Variants in DDX42 observed in about 807,000 individuals in gnomAD.
The protein encoded by DDX42 is DEAD-box helicase 42.
Under a neutral mutation model 101.5 loss-of-function variants are expected in DDX42, and 22 were observed. That is an observed-to-expected ratio of 0.22 (90% confidence interval 0.15 to 0.31). DDX42 has a LOEUF of 0.31. Among genes scored for constraint, DDX42 ranks in the 10% least tolerant of loss-of-function variants. The pLI is 1.00. For missense variants in DDX42, 849 were observed against 1,199.9 expected (o/e 0.71, Z 4.32); for synonymous variants, 402 against 401.2 (o/e 1.00, Z -0.02).
intron 3 of DDX42, among the ~76,000 whole-genome samples, chr17:63,796,774 T>C (rs1291630923): frequency 2.6e-5 from 4 of 152,252 alleles, no homozygotes; most frequent in Non-Finnish European, 4.4e-5. Context: ...GCTTATGTCA[T>C]CTTCAGTTTA....
intron 1 of DDX42, chr17:63,776,072 A>G (rs1346494937): frequency 6.6e-6 from 1 of 152,212 alleles, no homozygotes; most frequent in Non-Finnish European, 1.5e-5. Context: ...CTCTCAAAGT[A>G]TATGTAGAGT....
Position 63,778,644 on chromosome 17 carries a change from GTT to G in DDX42, c.-17+4281_-17+4282del, listed in dbSNP as rs111355576. 2.8e-3 allele frequency among the ~76,000 whole-genome samples: 417 copies of G among 147,764 alleles called. 2 individuals carry two copies. The highest frequency in any genetic ancestry group is 9.7e-3 in the African/African-American group (389 of 40,260). The stretch of plus-strand genomic sequence containing the variant: ...AGTGCTGTGAGAGCTTGATAATAAA[GTT>G]TTTTTTTTTTTTAAGACAGCATCTC... On this transcript the variant is annotated intron_variant, in intron 1 of 17. Coordinates refer to ENST00000389924, the MANE Select transcript of DDX42 (RefSeq NM_203499.3).
At chr17:63,788,772 G>A (rs945200165) in intron 2 of DDX42, among the ~76,000 whole-genome samples, 2 of 152,190 alleles carry the variant, frequency 1.3e-5, no homozygotes, top group African/African-American at 4.8e-5. Context: ...GATTTAAGGG[G>A]TTGAGTTCTA....
At chr17:63,815,167 A>T (rs2039961709) in intron 15 of DDX42, among the ~76,000 whole-genome samples, 1 of 152,256 alleles carries the variant, frequency 6.6e-6, no homozygotes, top group Admixed American at 6.5e-5. Context: ...GCTTCTGAAC[A>T]TACCAGTTGT....
chr17:63,799,476 T>C (rs763752832), intron 4 of DDX42, 113 bp from the exon 5 acceptor site: 3 of 1,108,786 alleles, frequency 2.7e-6, no homozygotes, highest in African/African-American at 3.1e-5. Flanking sequence ...TTTGTTATTA[T>C]TAGTGTTGAG....
At chr17:63,789,151 T>C (rs2039588054) in intron 2 of DDX42, among the ~76,000 whole-genome samples, 1 of 152,048 alleles carries the variant, frequency 6.6e-6, no homozygotes, top group South Asian at 2.1e-4. Flanking sequence ...TGATCTAGGC[T>C]CACAGCAACC....
At position 63,805,054 on chromosome 17, in the gene DDX42, A is replaced by G; in HGVS notation, c.622-17A>G. 6.3e-7 allele frequency: 1 copy of G among 1,590,202 alleles called. No homozygotes were observed. The highest frequency in any genetic ancestry group is 8.5e-7 in the Non-Finnish European group (1 of 1,174,246). ...ACTCTTGAATTCTAGACTAACTTTG[A>G]ATAATTGGACCTGCAGATTGACTAT... On this transcript the variant is annotated splice_polypyrimidine_tract_variant and intron_variant, in intron 6 of 17. Coordinates refer to ENST00000389924, the MANE Select transcript of DDX42 (RefSeq NM_203499.3).
At position 63,818,197 on chromosome 17, in the gene DDX42, G is replaced by C. The variant is rs762598550; in HGVS notation, c.2616G>C (p.Gly872=). Residue 872 remains glycine (G), a synonymous_variant, in exon 18 of 18, where the codon GGG becomes GGC. Transcript: ENST00000389924. ...ATGGAGGAAGCGCAGGCCGGCATGG[G>C]GAGAACCGGGGTGCAAATGATGGTC... The part of the protein sequence containing the change: ...NRHGGSAGRH[G]ENRGANDGRN... 1.2e-6 allele frequency: 2 copies of C among 1,614,054 alleles called. No individual in the cohort carries two copies. Among genetic ancestry groups the C allele is most frequent in the South Asian group, 2.2e-5 (2 of 91,062 alleles).
chr17:63,780,302 CAA>C (rs10595007), intron 1 of DDX42, among the ~76,000 whole-genome samples: 52 of 144,996 alleles, frequency 3.6e-4, no homozygotes, highest in Middle Eastern at 3.5e-3. Context: ...CTCAAAAAAA[CAA>C]AAAAAAAAAA....
chr17:63,794,547 C>T (rs181186117), intron 3 of DDX42, among the ~76,000 whole-genome samples: 2 of 151,832 alleles, frequency 1.3e-5, no homozygotes, highest in African/African-American at 2.4e-5. Context: ...GACTATGTGC[C>T]GTAGCTCACA....
intron 1 of DDX42, among the ~76,000 whole-genome samples, chr17:63,783,163 G>T (rs1051642549): frequency 1.3e-5 from 2 of 152,092 alleles, no homozygotes; most frequent in Non-Finnish European, 2.9e-5. Context: ...CTGTTAGAAC[G>T]CATCATGTTG....
chr17:63,816,949 A>G lies in DDX42; in HGVS notation c.2095A>G (p.Met699Val), dbSNP rs1173872030. The change falls in exon 17 of 18, where the codon ATG becomes GTG. Residue 699 changes from methionine (M) to valine (V), a missense_variant. By Grantham distance (21) the Met-to-Val change is conservative. Transcript: ENST00000389924. ...TGAMGDRLTA[M>V]KAAFQSQYKS... is the part of the protein sequence containing the mutation. ...AGCTATGGGAGATCGACTAACGGCA[A>G]TGAAAGCAGCTTTCCAGGTCTGAAA... 6.2e-7 allele frequency: 1 copy of G among 1,613,936 alleles called. No individual in the cohort carries two copies. Among genetic ancestry groups the G allele is most frequent in the East Asian group, 2.2e-5 (1 of 44,866 alleles).
chr17:63,816,929 T>C lies in DDX42; in HGVS notation c.2075T>C (p.Met692Thr). ...YEAYKPSTGA[M>T]GDRLTAMKAA... Reference sequence around the variant, plus strand: ...GCCTACAAGCCTTCCACAGGAGCTATGGGAGATCGACTAACGGCAATGAAA... The same window carrying C: ...GCCTACAAGCCTTCCACAGGAGCTACGGGAGATCGACTAACGGCAATGAAA... Residue 692 changes from methionine to threonine, a missense_variant, in exon 17 of 18, where the codon ATG (methionine) becomes ACG (threonine). This residue lies in a region of DDX42 where 86 missense variants were observed against 160.8 expected (regional missense o/e 0.53). Transcript: ENST00000389924. The C allele has an allele frequency of 1.2e-6, 2 of 1,614,070 alleles. No homozygotes were observed. The highest frequency in any genetic ancestry group is 8.5e-7 in the Non-Finnish European group (1 of 1,179,990).
intron 11 of DDX42, 39 bp from the exon 12 acceptor site, chr17:63,810,474 T>C (rs1274829788): frequency 3.1e-6 from 5 of 1,606,716 alleles, no homozygotes; most frequent in Admixed American, 3.3e-5. Context: ...CCAAACTGTA[T>C]TTCAGGTTAT....
chr17:63,784,677 G>A (rs747512809), intron 1 of DDX42, among the ~76,000 whole-genome samples: 15 of 152,186 alleles, frequency 9.9e-5, no homozygotes, highest in Non-Finnish European at 1.5e-4. Context: ...AGGAGGCTGA[G>A]GTGGGAGGAT....
rs188376541 is a variant in DDX42 at position 63,805,297 on chromosome 17, C to A, written c.726+122C>A. On this transcript the variant is annotated intron_variant, in intron 7 of 17. Transcript: ENST00000389924. The stretch of plus-strand genomic sequence containing the variant: ...CTAATGGTCTCTGAACTGTCTTTGC[C>A]AGAGTAATTATTATATCCCTTCTGT... 1.7e-3 allele frequency: 2,147 copies of A among 1,235,662 alleles called. 5 individuals are homozygous for A. The highest frequency in any genetic ancestry group is 2.2e-3 in the Non-Finnish European group (2,003 of 895,386). The allele number at this position is 1,235,662 out of a possible 1,614,324, so 76.5% of individuals were successfully genotyped here.
chr17:63,789,553 GTTT>G (rs1567732957), intron 2 of DDX42, among the ~76,000 whole-genome samples: 5 of 28,656 alleles, frequency 1.7e-4, no homozygotes, highest in South Asian at 2.1e-3. Flanking sequence ...AGACTTTTTT[GTTT>G]TTGTTTTTGT....
Position 63,811,962 on chromosome 17 carries a change from A to T in DDX42, c.1429A>T (p.Ile477Phe). 6.2e-7 allele frequency: 1 copy of T among 1,614,172 alleles called. No individual in the cohort carries two copies. The highest frequency in any genetic ancestry group is 1.1e-5 in the South Asian group (1 of 91,082). Residue 477 changes from isoleucine (I) to phenylalanine (F), a missense_variant, in exon 14 of 18, where the codon ATT becomes TTT. Around this residue, in one of 5 missense-constraint regions of DDX42, gnomAD observed 370 missense variants for 608.8 expected, o/e 0.61. Transcript: ENST00000389924. ...TGAAGATGTGACACAGATTGTGGAG[A>T]TTCTCCATTCTGGACCTAGTAAATG... is the stretch of plus-strand genomic sequence containing the variant. ...ANEDVTQIVE[I>F]LHSGPSKWNW... is the part of the protein sequence containing the mutation.
intron 2 of DDX42, 131 bp from the exon 3 acceptor site, chr17:63,792,280 TG>T (rs1334792416): frequency 3.2e-6 from 3 of 926,666 alleles, no homozygotes; most frequent in Admixed American, 3.0e-5. Flanking sequence ...GCCAAAGCCT[TG>T]GAGGTCTCTA....
Sources: allele counts gnomAD v4.1 joint callset (sites outside exome capture counted in the v4.1 genomes callset), GRCh38; gene constraint gnomAD v4.1.1; regional missense constraint gnomAD v4.1.1; transcripts MANE v1.5; gene names NCBI Gene and HGNC (gene_info 2026-07-23, HGNC 2026-07-21).